SYN3: variants seen among roughly 807,000 people sequenced by gnomAD.
SYN3 encodes synapsin-3.
In SYN3, 35 loss-of-function variants were observed where a neutral mutation model predicts 65.8. That is an observed-to-expected ratio of 0.53 (90% CI 0.41 to 0.70). The LOEUF is 0.70. Ranked by LOEUF, SYN3 falls within the 30% of genes least tolerant of loss-of-function variation. SYN3 has a pLI of 0.00. For synonymous variants in SYN3, 270 were observed against 292.9 expected (o/e 0.92, Z 0.80); for missense variants, 680 against 749.0 (o/e 0.91, Z 1.08).
chr22:32,957,553 C>T (rs190134486), intron 3 of SYN3, among the ~76,000 whole-genome samples: 98 of 152,256 alleles, frequency 6.4e-4, no homozygotes, highest in Non-Finnish European at 1.0e-3. Flanking sequence ...AAAAAAGCCC[C>T]GCGCTCTCCC....
intron 2 of SYN3, among the ~76,000 whole-genome samples, chr22:32,996,587 C>T (rs1385108514): frequency 6.6e-6 from 1 of 152,036 alleles, no homozygotes; most frequent in Non-Finnish European, 1.5e-5. Flanking sequence ...ATCTTCTTTC[C>T]CATTTAACTC....
intron 4 of SYN3, 130 bp downstream of exon 4, chr22:32,931,260 G>T: frequency 1.5e-6 from 1 of 648,190 alleles, no homozygotes. Flanking sequence ...CACCTGGGAA[G>T]CAGACATTCT....
At chr22:32,666,745 A>G (rs1406923030) in intron 6 of SYN3, among the ~76,000 whole-genome samples, 3 of 151,880 alleles carry the variant, frequency 2.0e-5, no homozygotes, top group Non-Finnish European at 4.4e-5. Flanking sequence ...TTTTCTGTTC[A>G]TTGTCTGTTT....
chr22:32,533,770 G>T lies in SYN3; in HGVS notation c.1095+23C>A, dbSNP rs373335824. On this transcript the variant is annotated intron_variant, in intron 10 of 13. Coordinates refer to ENST00000358763, the MANE Select transcript of SYN3 (RefSeq NM_003490.4). Reference sequence around the variant, plus strand: ...GCCTGCCAGGCTGGACCAGCCAGGAGGACTCCCTGCTTCATCCCTCACCTC... The same window carrying T: ...GCCTGCCAGGCTGGACCAGCCAGGATGACTCCCTGCTTCATCCCTCACCTC... 103 of 1,568,354 alleles carry T rather than the reference G, an allele frequency of 6.6e-5. No homozygotes were observed. In the African/African-American group the frequency reaches 1.3e-3, roughly 19 times the overall value.
intron 6 of SYN3, among the ~76,000 whole-genome samples, chr22:32,618,166 G>A (rs1370791247): frequency 6.6e-6 from 1 of 152,044 alleles, no homozygotes; most frequent in Non-Finnish European, 1.5e-5. Context: ...TTTGATGATC[G>A]AACGGACAGA....
intron 4 of SYN3, among the ~76,000 whole-genome samples, chr22:32,877,394 C>T (rs1037972991): frequency 1.3e-5 from 2 of 152,204 alleles, no homozygotes; most frequent in Admixed American, 6.5e-5. Flanking sequence ...GGTGATGGAA[C>T]CATGAGTCAA....
At chr22:32,569,590 A>ATATATATATATATATAT (rs1569048509) in intron 7 of SYN3, among the ~76,000 whole-genome samples, 17 of 92,562 alleles carry the variant, frequency 1.8e-4, no homozygotes, top group African/African-American at 5.6e-4. Context: ...TATATATATA[A>ATATATATATATATATAT]AATCTATCTA....
chr22:32,616,915 G>A (rs567155039), intron 6 of SYN3, among the ~76,000 whole-genome samples: 1 of 152,244 alleles, frequency 6.6e-6, no homozygotes, highest in Non-Finnish European at 1.5e-5. Context: ...GTTCCAGGCA[G>A]AAGTGGCCAC....
chr22:32,555,882 C>A (rs2058488065), intron 7 of SYN3, among the ~76,000 whole-genome samples: 1 of 152,154 alleles, frequency 6.6e-6, no homozygotes, highest in Non-Finnish European at 1.5e-5. Flanking sequence ...TGTTTTACCT[C>A]CCAGGAAATT....
At chr22:32,516,696 A>C (rs2057783323) in intron 13 of SYN3, among the ~76,000 whole-genome samples, 1 of 152,206 alleles carries the variant, frequency 6.6e-6, no homozygotes, top group South Asian at 2.1e-4. Context: ...AACTATGTGA[A>C]TATATTACCT....
At chr22:32,717,625 C>A (rs913114711) in intron 6 of SYN3, among the ~76,000 whole-genome samples, 9 of 152,062 alleles carry the variant, frequency 5.9e-5, no homozygotes, top group Non-Finnish European at 1.3e-4. Flanking sequence ...AGGGCTGGGG[C>A]CAGGAAGCGG....
intron 4 of SYN3, among the ~76,000 whole-genome samples, chr22:32,916,357 C>CA (rs1398565974): frequency 2.6e-5 from 4 of 152,030 alleles, no homozygotes; most frequent in African/African-American, 9.7e-5. Context: ...GTTTGTTCCA[C>CA]AAAAAAACTT....
chr22:32,807,061 T>C (rs112308145), intron 6 of SYN3, among the ~76,000 whole-genome samples: 10 of 151,386 alleles, frequency 6.6e-5, no homozygotes, highest in African/African-American at 2.2e-4. Context: ...TATATAAAAC[T>C]GTCAGAGGAG....
intron 6 of SYN3, among the ~76,000 whole-genome samples, chr22:32,620,893 T>C (rs909551385): frequency 1.3e-5 from 2 of 150,594 alleles, no homozygotes; most frequent in African/African-American, 5.0e-5. Flanking sequence ...CTAAGTTTTG[T>C]ATTTTTAGTA....
intron 6 of SYN3, among the ~76,000 whole-genome samples, chr22:32,825,036 G>A (rs1182130675): frequency 2.6e-5 from 4 of 152,180 alleles, no homozygotes; most frequent in Non-Finnish European, 5.9e-5. Flanking sequence ...TGAAATCGCA[G>A]GCTGGGTCCA....
chr22:32,918,341 A>G (rs2146621016), intron 4 of SYN3, among the ~76,000 whole-genome samples: 1 of 152,314 alleles, frequency 6.6e-6, no homozygotes, highest in East Asian at 1.9e-4. Context: ...TAAGACCAGA[A>G]CACATAGCTG....
At chr22:32,533,585 G>A (rs974684382) in intron 10 of SYN3, among the ~76,000 whole-genome samples, 1 of 152,086 alleles carries the variant, frequency 6.6e-6, no homozygotes, top group South Asian at 2.1e-4. Context: ...GAGGTCTCCC[G>A]ACTCAGTTCC....
At chr22:32,516,083 C>G (rs547943161) in intron 13 of SYN3, among the ~76,000 whole-genome samples, 2 of 152,302 alleles carry the variant, frequency 1.3e-5, no homozygotes, top group African/African-American at 4.8e-5. Context: ...CAGGCATGAG[C>G]CATCGCATCC....
chr22:32,741,270 A>C (rs2061401485), intron 6 of SYN3, among the ~76,000 whole-genome samples: 1 of 151,284 alleles, frequency 6.6e-6, no homozygotes, highest in Admixed American at 6.6e-5. Flanking sequence ...GAGGGAACTG[A>C]GGCACACAGA....
Sources: allele counts gnomAD v4.1 joint callset (sites outside exome capture counted in the v4.1 genomes callset), GRCh38; gene constraint gnomAD v4.1.1; transcripts MANE v1.5; gene names NCBI Gene and HGNC (gene_info 2026-07-23, HGNC 2026-07-21).